The following PHKB variants were observed in gnomAD, a reference collection of about 807,000 sequenced individuals.
PHKB encodes phosphorylase b kinase regulatory subunit beta.
PHKB carries 122 observed loss-of-function variants against 152.1 expected under a neutral mutation model. That is an observed-to-expected ratio of 0.80 (90% CI 0.69 to 0.93). PHKB has a LOEUF of 0.93. Ranked by LOEUF, PHKB falls within the 40% of genes least tolerant of loss-of-function variation. The pLI is 0.00. For synonymous variants in PHKB, 436 were observed against 464.9 expected (o/e 0.94, Z 0.80); for missense variants, 1,304 against 1,328.4 (o/e 0.98, Z 0.29).
At chr16:47,640,174 G>A (rs1972992715) in intron 14 of PHKB, among the ~76,000 whole-genome samples, 1 of 152,084 alleles carries the variant, frequency 6.6e-6, no homozygotes, top group South Asian at 2.1e-4. Context: ...AAATTTCAGT[G>A]TTATATTGAA....
intron 7 of PHKB, chr16:47,566,754 T>G (rs1371110782): frequency 1.3e-6 from 1 of 751,740 alleles, no homozygotes; most frequent in African/African-American, 1.7e-5. Context: ...AATATCTCCT[T>G]CCAGGTCATC....
At chr16:47,487,170 A>G (rs1435459532) in intron 1 of PHKB, among the ~76,000 whole-genome samples, 1 of 152,216 alleles carries the variant, frequency 6.6e-6, no homozygotes, top group Admixed American at 6.5e-5. Context: ...TGTTTGTATA[A>G]TATTTTTAAC....
chr16:47,680,623 G>A (rs1322125168), intron 26 of PHKB, among the ~76,000 whole-genome samples: 3 of 152,034 alleles, frequency 2.0e-5, no homozygotes, highest in East Asian at 1.9e-4. Flanking sequence ...TATCCCCTTT[G>A]TCCTTTTTTA....
At chr16:47,546,338 A>G (rs954285568) in intron 6 of PHKB, among the ~76,000 whole-genome samples, 1 of 152,146 alleles carries the variant, frequency 6.6e-6, no homozygotes, top group Admixed American at 6.6e-5. Context: ...TCCTTCTAAC[A>G]GGCCCCTCAG....
intron 7 of PHKB, among the ~76,000 whole-genome samples, chr16:47,548,408 A>T (rs147799335): frequency 6.6e-6 from 1 of 152,264 alleles, no homozygotes; most frequent in African/African-American, 2.4e-5. Flanking sequence ...GGAGTTTAAG[A>T]CCAGCGTGGC....
At chr16:47,472,764 A>G (rs1969794620) in intron 1 of PHKB, among the ~76,000 whole-genome samples, 1 of 151,824 alleles carries the variant, frequency 6.6e-6, no homozygotes, top group African/African-American at 2.4e-5. Flanking sequence ...CCTGGGCGAC[A>G]GGGCGAGACT....
chr16:47,511,984 G>A (rs1970518527), intron 5 of PHKB, among the ~76,000 whole-genome samples: 1 of 152,042 alleles, frequency 6.6e-6, no homozygotes, highest in Non-Finnish European at 1.5e-5. Context: ...CCTCGCATGT[G>A]CAGCTCACAA....
intron 7 of PHKB, among the ~76,000 whole-genome samples, chr16:47,569,715 G>A (rs1971626129): frequency 5.9e-5 from 9 of 152,142 alleles, no homozygotes; most frequent in Admixed American, 5.9e-4. Flanking sequence ...TGCCCTCCCA[G>A]GCTTAAGCGA....
At chr16:47,681,372 T>A (rs1973851978) in intron 26 of PHKB, among the ~76,000 whole-genome samples, 1 of 148,648 alleles carries the variant, frequency 6.7e-6, no homozygotes, top group Non-Finnish European at 1.5e-5. Context: ...CAGTGGGGTG[T>A]TAAAGTCTCC....
intron 14 of PHKB, among the ~76,000 whole-genome samples, chr16:47,634,234 TATC>T (rs1169274611): frequency 1.3e-5 from 2 of 152,238 alleles, no homozygotes; most frequent in Non-Finnish European, 2.9e-5. Flanking sequence ...ATAGTATAAA[TATC>T]ATTGTGTAAC....
chr16:47,618,147 T>C (rs1003313839), intron 14 of PHKB, among the ~76,000 whole-genome samples: 3 of 152,254 alleles, frequency 2.0e-5, no homozygotes, highest in Non-Finnish European at 4.4e-5. Flanking sequence ...CTAAGTGGTA[T>C]CGTTTGTTTT....
Position 47,587,715 on chromosome 16 carries a change from C to T in PHKB, c.822C>T (p.Arg274=). 1 of 1,613,766 alleles carries T rather than the reference C, an allele frequency of 6.2e-7. No individual in the cohort carries two copies. Among genetic ancestry groups the T allele is most frequent in the Non-Finnish European group, 8.5e-7 (1 of 1,179,744 alleles). ...TTGTGGATCTCGATGCTCACAATCG[C>T]AACAGGCAAACTTTGTGCTCGCTGT... ...VIFVDLDAHN[R]NRQTLCSLLP... Residue 274 remains arginine, a synonymous_variant, in exon 9 of 31, where the codon CGC becomes CGT. Transcript: ENST00000323584.
intron 26 of PHKB, among the ~76,000 whole-genome samples, chr16:47,685,258 G>T (rs1320994859): frequency 2.0e-5 from 3 of 151,960 alleles, no homozygotes; most frequent in Admixed American, 1.3e-4. Flanking sequence ...AACTTCATCT[G>T]TACTAAAAAT....
chr16:47,467,533 A>G (rs1340508828), intron 1 of PHKB, among the ~76,000 whole-genome samples: 1 of 152,166 alleles, frequency 6.6e-6, no homozygotes, highest in East Asian at 1.9e-4. Context: ...TGCTCGCTTC[A>G]TGTAGCATGG....
intron 7 of PHKB, among the ~76,000 whole-genome samples, chr16:47,557,310 G>A (rs943120171): frequency 6.6e-6 from 1 of 152,176 alleles, no homozygotes. Context: ...TACCATTCAG[G>A]ACATAGGCAT....
In PHKB at chr16:47,696,481, T is replaced by C; in HGVS notation, c.2996T>C (p.Val999Ala). 1 of 1,556,476 alleles carries C rather than the reference T, an allele frequency of 6.4e-7. No homozygotes were observed. The highest frequency in any genetic ancestry group is 8.9e-7 in the Non-Finnish European group (1 of 1,127,500). The change falls in exon 29 of 31, where the codon GTT (valine) becomes GCT (alanine). Residue 999 changes from valine to alanine, a missense_variant. By Grantham distance (64) the Val-to-Ala change is moderately conservative (BLOSUM62 0). Transcript: ENST00000323584. Reference sequence around the variant, plus strand: ...GACCAGCCACAGTACAGACAGATCGTTGTAGAGGTGAGTAGTAAGAAATGA... The same window carrying C: ...GACCAGCCACAGTACAGACAGATCGCTGTAGAGGTGAGTAGTAAGAAATGA... ...NIDQPQYRQI[V>A]VELLMVVSIV...
chr16:47,497,262 A>G (rs1184197366), intron 1 of PHKB, 137 bp from the exon 2 acceptor site: 4 of 654,748 alleles, frequency 6.1e-6, no homozygotes, highest in Non-Finnish European at 1.1e-5. Context: ...AAGAAGGTTT[A>G]CAAGTAGTAA....
At chr16:47,677,433 T>G (rs1476428253) in intron 26 of PHKB, among the ~76,000 whole-genome samples, 1 of 152,156 alleles carries the variant, frequency 6.6e-6, no homozygotes, top group African/African-American at 2.4e-5. Context: ...ACACAGAAAT[T>G]TATTTTCTCA....
chr16:47,699,514 T>A lies in PHKB; in HGVS notation c.*148T>A, dbSNP rs368887864. ...ATCCTTGGCGGGGTTATGGACCTCT[T>A]GCATGTCATAGCCAATCTAACGGTA... is the stretch of plus-strand genomic sequence containing the variant. On this transcript the variant is annotated 3_prime_UTR_variant, in exon 31 of 31. Coordinates refer to ENST00000323584, the MANE Select transcript of PHKB (RefSeq NM_000293.3). The A allele has an allele frequency of 2.8e-3, 2,407 of 863,782 alleles. 55 individuals are homozygous for A. In the South Asian group the frequency reaches 0.031, roughly 11 times the overall value. 53.5% of individuals were successfully genotyped at this position (863,782 alleles called of 1,614,324 possible). A position where few individuals can be genotyped will look rare whatever the true frequency, so the allele number is the denominator to read the frequency against.
Sources: allele counts gnomAD v4.1 joint callset (sites outside exome capture counted in the v4.1 genomes callset), GRCh38; gene constraint gnomAD v4.1.1; transcripts MANE v1.5; gene names NCBI Gene and HGNC (gene_info 2026-07-23, HGNC 2026-07-21).